The following CLYBL variants were observed in gnomAD, a reference collection of about 807,000 sequenced individuals.
The protein encoded by CLYBL is citramalyl-CoA lyase, also known as citramalyl-CoA lyase, mitochondrial.
A neutral mutation model predicts 38.9 loss-of-function variants in CLYBL; 31 were observed. The observed-to-expected ratio is 0.80, with a 90% confidence interval of 0.60 to 1.08. The LOEUF is 1.08. CLYBL is among the 50% of genes least tolerant of loss of function. The pLI is 0.00. For synonymous variants in CLYBL, 171 were observed against 158.6 expected (o/e 1.08, Z -0.59); for missense variants, 434 against 411.6 (o/e 1.05, Z -0.47).
intron 1 of CLYBL, among the ~76,000 whole-genome samples, chr13:99,650,587 G>A (rs187239897): frequency 3.9e-5 from 6 of 152,276 alleles, no homozygotes; most frequent in Non-Finnish European, 7.3e-5. Context: ...CTTCTAGAGA[G>A]TAAGGTCAGC....
chr13:99,859,668 C>T (rs1186955884), intron 3 of CLYBL, among the ~76,000 whole-genome samples: 1 of 152,008 alleles, frequency 6.6e-6, no homozygotes, highest in East Asian at 1.9e-4. Context: ...GACTTTTCAG[C>T]CAATAAAAAC....
chr13:99,825,598 T>C (rs1394569838), intron 2 of CLYBL, among the ~76,000 whole-genome samples: 1 of 152,186 alleles, frequency 6.6e-6, no homozygotes, highest in Non-Finnish European at 1.5e-5. Flanking sequence ...GGGGGCCTGC[T>C]TCTCTGGGAT....
intron 4 of CLYBL, 115 bp downstream of exon 4, chr13:99,863,207 A>G (rs2051652670): frequency 1.8e-6 from 1 of 558,706 alleles, no homozygotes; most frequent in South Asian, 2.9e-5. Flanking sequence ...ATTTATAAGC[A>G]AAGGAAATGT....
intron 2 of CLYBL, among the ~76,000 whole-genome samples, chr13:99,795,308 G>C (rs1204239529): frequency 6.6e-6 from 1 of 152,152 alleles, no homozygotes; most frequent in African/African-American, 2.4e-5. Context: ...AGTCTAAGAA[G>C]CAGCATATTC....
At chr13:99,607,410 T>G (rs1254033936) in intron 1 of CLYBL, among the ~76,000 whole-genome samples, 1 of 152,206 alleles carries the variant, frequency 6.6e-6, no homozygotes, top group Non-Finnish European at 1.5e-5. Flanking sequence ...AAGGAAATAT[T>G]TGAAAGAAAT....
At chr13:99,649,205 A>G (rs1240069558) in intron 1 of CLYBL, among the ~76,000 whole-genome samples, 1 of 152,154 alleles carries the variant, frequency 6.6e-6, no homozygotes, top group Non-Finnish European at 1.5e-5. Flanking sequence ...GGCACTAAAC[A>G]GTGGGTTTTA....
intron 3 of CLYBL, among the ~76,000 whole-genome samples, chr13:99,860,995 T>G (rs1639915893): frequency 6.6e-6 from 1 of 152,220 alleles, no homozygotes; most frequent in Non-Finnish European, 1.5e-5. Flanking sequence ...AACACACTAT[T>G]GGGTGTGCAC....
chr13:99,839,703 ATAG>A (rs931184409), intron 2 of CLYBL, among the ~76,000 whole-genome samples: 9 of 152,052 alleles, frequency 5.9e-5, no homozygotes, highest in African/African-American at 2.2e-4. Context: ...TTGTGGGTAC[ATAG>A]TAGGTATATA....
intron 2 of CLYBL, among the ~76,000 whole-genome samples, chr13:99,824,257 G>GCCT (rs2050646417): frequency 3.8e-5 from 5 of 130,412 alleles, no homozygotes; most frequent in Admixed American, 8.3e-5. Flanking sequence ...CTGACTAATA[G>GCCT]CCCCCCCCAC....
chr13:99,670,836 TTTATGCTTGC>T (rs1284547353), intron 1 of CLYBL, among the ~76,000 whole-genome samples: 1 of 152,226 alleles, frequency 6.6e-6, no homozygotes, highest in Non-Finnish European at 1.5e-5. Context: ...TGGTCTTTAC[TTTATGCTTGC>T]TCCTCTTCTG....
chr13:99,638,496 C>G (rs932942359), intron 1 of CLYBL, among the ~76,000 whole-genome samples: 1 of 152,228 alleles, frequency 6.6e-6, no homozygotes, highest in Non-Finnish European at 1.5e-5. Flanking sequence ...TATTGTGTTT[C>G]AGACTCTGTG....
At chr13:99,642,477 C>T (rs544663670) in intron 1 of CLYBL, among the ~76,000 whole-genome samples, 5 of 152,204 alleles carry the variant, frequency 3.3e-5, no homozygotes, top group African/African-American at 9.6e-5. Context: ...TGCAGTGGCA[C>T]GATCACAGCT....
At chr13:99,904,045 TA>T (rs57462379) in intron 8 of CLYBL, among the ~76,000 whole-genome samples, 70 of 143,676 alleles carry the variant, frequency 4.9e-4, no homozygotes, top group Middle Eastern at 3.5e-3. Flanking sequence ...ACCCCTCTCT[TA>T]AAAAAAAAAA....
At chr13:99,781,970 A>G (rs371565464) in intron 2 of CLYBL, among the ~76,000 whole-genome samples, 2 of 152,228 alleles carry the variant, frequency 1.3e-5, no homozygotes, top group East Asian at 1.9e-4. Flanking sequence ...CTCGCACTGT[A>G]TGCGTTATTT....
chr13:99,796,209 G>A (rs1191708670), intron 2 of CLYBL, among the ~76,000 whole-genome samples: 3 of 152,176 alleles, frequency 2.0e-5, no homozygotes, highest in Non-Finnish European at 4.4e-5. Context: ...CTTCACTGGA[G>A]ACATGCTGCA....
At chr13:99,855,584 T>C (rs2051440390) in intron 2 of CLYBL, among the ~76,000 whole-genome samples, 1 of 152,058 alleles carries the variant, frequency 6.6e-6, no homozygotes, top group Non-Finnish European at 1.5e-5. Flanking sequence ...AGAAGTACAG[T>C]GTGTGTGGCA....
At chr13:99,868,872 A>G (rs1370748760) in intron 6 of CLYBL, among the ~76,000 whole-genome samples, 1 of 152,176 alleles carries the variant, frequency 6.6e-6, no homozygotes, top group Non-Finnish European at 1.5e-5. Flanking sequence ...TTTGCAGTCT[A>G]TTGTAGAAGA....
rs376889710 is a variant in CLYBL at position 99,880,069 on chromosome 13, T to TATATATATATATA, written c.927+9007_927+9008insATATATATATATA. 2.8e-3 allele frequency among the ~76,000 whole-genome samples: 160 copies of TATATATATATATA among 57,612 alleles called. 1 individual carries two copies. The highest frequency in any genetic ancestry group is 4.1e-3 in the Non-Finnish European group (135 of 33,300). The allele number at this position is 57,612 out of a possible 152,430, so 37.8% of individuals were successfully genotyped here. On this transcript the variant is annotated intron_variant, in intron 7 of 8. Coordinates refer to ENST00000339105, the MANE Select transcript of CLYBL (RefSeq NM_206808.5). ...GTGTATGTATATATATATATATATA[T>TATATATATATATA]TTTTTTTTTTTTTTTTGAGACAGAG...
At position 99,612,854 on chromosome 13, in the gene CLYBL, A is replaced by C. The variant is rs569312547; in HGVS notation, c.62+6097A>C. 2.6e-4 allele frequency among the ~76,000 whole-genome samples: 40 copies of C among 152,080 alleles called. 1 individual carries two copies. In the South Asian group the frequency reaches 6.2e-3, roughly 24 times the overall value. On this transcript the variant is annotated intron_variant, in intron 1 of 8. Coordinates refer to ENST00000339105, the MANE Select transcript of CLYBL (RefSeq NM_206808.5). The stretch of plus-strand genomic sequence containing the variant: ...TAGTGAGATGCTGTCACTACAAAAA[A>C]AATTTTAAAAGTTAGCTGGATGTGG...
Sources: allele counts gnomAD v4.1 joint callset (sites outside exome capture counted in the v4.1 genomes callset), GRCh38; gene constraint gnomAD v4.1.1; transcripts MANE v1.5; gene names NCBI Gene and HGNC (gene_info 2026-07-23, HGNC 2026-07-21).